Variants in NHERF2 observed in about 807,000 individuals in gnomAD.
NHERF2 encodes the protein NHERF family PDZ scaffold protein 2, also known as Na(+)/H(+) exchange regulatory cofactor NHE-RF2.
chr16:2,030,598 A>T, the NHERF2 span, among the ~76,000 whole-genome samples: 1 of 147,074 alleles, frequency 6.8e-6, no homozygotes, highest in Non-Finnish European at 1.5e-5. Context: ...TGATGGCATT[A>T]TCTCCATGTT....
chr16:2,037,402 G>A, the NHERF2 span: 1 of 846,728 alleles, frequency 1.2e-6, no homozygotes, highest in Non-Finnish European at 1.9e-6. Flanking sequence ...CGCCGCATCT[G>A]GAGTCCACCA....
At chr16:2,037,044 A>C in the NHERF2 span, 13 of 1,544,892 alleles carry the variant, frequency 8.4e-6, no homozygotes, top group African/African-American at 1.6e-4. Flanking sequence ...CTCTGGGGGT[A>C]CCCAGGCCCG....
the NHERF2 span, chr16:2,035,579 A>G: frequency 2.0e-6 from 2 of 987,206 alleles, no homozygotes; most frequent in Non-Finnish European, 1.2e-6. Flanking sequence ...GAGCACGGGC[A>G]GCCGCTGGCC....
At chr16:2,028,837 G>A in the NHERF2 span, among the ~76,000 whole-genome samples, 7 of 152,272 alleles carry the variant, frequency 4.6e-5, no homozygotes, top group African/African-American at 1.4e-4. Context: ...GGCCCCCCGC[G>A]TGGTCCAGAC....
chr16:2,033,463 G>C, the NHERF2 span: 3 of 1,501,624 alleles, frequency 2.0e-6, no homozygotes, highest in Non-Finnish European at 1.8e-6. Context: ...GGGAGGGCTA[G>C]GAGGAACCGG....
the NHERF2 span, chr16:2,037,962 G>A: frequency 3.7e-6 from 6 of 1,613,540 alleles, no homozygotes; most frequent in Admixed American, 1.7e-5. Flanking sequence ...AACAGGAAGC[G>A]TGAAATCTTC....
the NHERF2 span, among the ~76,000 whole-genome samples, chr16:2,032,102 C>T: frequency 6.6e-6 from 1 of 151,432 alleles, no homozygotes; most frequent in South Asian, 2.1e-4. The surrounding 1 kb of genome is among the most constrained non-coding windows in gnomAD (Gnocchi z 4.0). Context: ...TCACTGCAAG[C>T]TCCGCCTCCT....
At chr16:2,034,966 C>T in the NHERF2 span, among the ~76,000 whole-genome samples, 1 of 152,138 alleles carries the variant, frequency 6.6e-6, no homozygotes, top group Non-Finnish European at 1.5e-5. Context: ...TGTGGTGGGG[C>T]CCTGGAGATT....
chr16:2,030,976 C>T, the NHERF2 span, among the ~76,000 whole-genome samples: 51 of 152,290 alleles, frequency 3.3e-4, no homozygotes, highest in Admixed American at 2.4e-3. Context: ...GAAATCCCTT[C>T]AGGGGATATG....
the NHERF2 span, among the ~76,000 whole-genome samples, chr16:2,028,202 T>A: frequency 6.6e-6 from 1 of 152,208 alleles, no homozygotes; most frequent in South Asian, 2.1e-4. Flanking sequence ...AGCAGGTTGG[T>A]TCAGCTGGAC....
the NHERF2 span, chr16:2,037,547 G>A: frequency 5.0e-6 from 8 of 1,611,530 alleles, no homozygotes; most frequent in Admixed American, 1.7e-5. Flanking sequence ...GCTCAATGGT[G>A]GCTCTGCGTG....
At chr16:2,038,199 G>A in the NHERF2 span, 2 of 605,446 alleles carry the variant, frequency 3.3e-6, no homozygotes, top group Non-Finnish European at 5.8e-6. Context: ...CCAGAGATGT[G>A]AGAGAGAGTC....
the NHERF2 span, among the ~76,000 whole-genome samples, chr16:2,029,289 T>C: frequency 6.6e-6 from 1 of 152,182 alleles, no homozygotes; most frequent in Non-Finnish European, 1.5e-5. Context: ...GGCCCTATCC[T>C]GCAGCCCCTT....
At chr16:2,037,052 C>T in the NHERF2 span, 2 of 1,532,424 alleles carry the variant, frequency 1.3e-6, no homozygotes, top group South Asian at 2.4e-5. Context: ...GTACCCAGGC[C>T]CGACAGAGGC....
At chr16:2,033,911 C>G in the NHERF2 span, among the ~76,000 whole-genome samples, 1 of 152,242 alleles carries the variant, frequency 6.6e-6, no homozygotes, top group Admixed American at 6.5e-5. Flanking sequence ...CCTGGCGCCA[C>G]TGGGACCCTG....
At chr16:2,038,052 G>C in the NHERF2 span, 137 of 1,575,184 alleles carry the variant, frequency 8.7e-5, no homozygotes, top group South Asian at 1.5e-3. Flanking sequence ...AGCCTGCCCC[G>C]AGCTCCCCCA....
At chr16:2,033,394 G>A in the NHERF2 span, 3 of 1,533,374 alleles carry the variant, frequency 2.0e-6, no homozygotes, top group Non-Finnish European at 2.6e-6. Context: ...CCGGGCTCCG[G>A]GAGCCCCTCC....
the NHERF2 span, chr16:2,037,401 T>G: frequency 1.2e-6 from 1 of 841,256 alleles, no homozygotes; most frequent in Non-Finnish European, 2.0e-6. Context: ...CCGCCGCATC[T>G]GGAGTCCACC....
the NHERF2 span, chr16:2,038,081 G>A: frequency 4.8e-6 from 7 of 1,448,416 alleles, no homozygotes; most frequent in Non-Finnish European, 6.6e-6. Context: ...GGACTGGAGG[G>A]TGGTCCTGCC....
Sources: gnomAD v4.1 joint callset for allele counts (sites outside exome capture counted in the v4.1 genomes callset) on GRCh38, gnomAD v4.1.1 for gene constraint, Gnocchi (gnomAD v3.1) non-coding constraint, MANE v1.5 for transcripts, NCBI Gene and HGNC (gene_info 2026-07-23, HGNC 2026-07-21) for gene names.